Variants in RAC1 observed in about 807,000 individuals in gnomAD.
RAC1 encodes the protein ras-related C3 botulinum toxin substrate 1.
A neutral mutation model predicts 25.2 loss-of-function variants in RAC1; 2 were observed. The observed-to-expected ratio is 0.08, with a 90% CI of 0.03 to 0.25. RAC1 has a LOEUF of 0.25. Ranked by LOEUF, RAC1 falls within the 10% of genes least tolerant of loss-of-function variation. The probability of loss-of-function intolerance (pLI) is 1.00; values close to 1 mark genes in which losing one functional copy is unlikely to be tolerated. For missense variants in RAC1, 50 were observed against 235.7 expected, an observed-to-expected ratio of 0.21 and a Z score of 5.16; for synonymous variants, 88 against 94.0, an observed-to-expected ratio of 0.94 and a Z score of 0.37.
intron 1 of RAC1, 142 bp from the exon 2 acceptor site, chr7:6,387,070 G>A: frequency 1.7e-6 from 1 of 572,068 alleles, no homozygotes; most frequent in Non-Finnish European, 3.0e-6. Flanking sequence ...GTGATAAAGG[G>A]TTATAGAAAA....
At chr7:6,379,192 C>G (rs1782692281) in intron 1 of RAC1, among the ~76,000 whole-genome samples, 1 of 151,414 alleles carries the variant, frequency 6.6e-6, no homozygotes, top group Non-Finnish European at 1.5e-5. Flanking sequence ...GCCTCCACCT[C>G]CTGGGTTCAA....
intron 2 of RAC1, among the ~76,000 whole-genome samples, chr7:6,387,950 A>G (rs1017559955): frequency 6.6e-6 from 1 of 152,128 alleles, no homozygotes; most frequent in African/African-American, 2.4e-5. Context: ...TGGGAACTGG[A>G]AAGGGAAAGA....
At chr7:6,384,322 T>TTGGAGG (rs1281490281) in intron 1 of RAC1, among the ~76,000 whole-genome samples, 5 of 152,162 alleles carry the variant, frequency 3.3e-5, no homozygotes, top group African/African-American at 1.2e-4. Context: ...CTTGACTGAG[T>TTGGAGG]CCCTGGCGTC....
intron 3 of RAC1, among the ~76,000 whole-genome samples, chr7:6,399,426 C>A (rs1027726854): frequency 1.3e-5 from 2 of 152,204 alleles, no homozygotes; most frequent in African/African-American, 4.8e-5. Flanking sequence ...TTTGGTTTGA[C>A]ACAAAATACA....
intron 1 of RAC1, among the ~76,000 whole-genome samples, 190 bp downstream of exon 1, chr7:6,374,960 G>T (rs1051772491): frequency 1.3e-5 from 2 of 151,702 alleles, no homozygotes; most frequent in African/African-American, 4.8e-5. Context: ...GGCGGCGCGT[G>T]CCTGGTTCCG....
At chr7:6,376,240 T>G (rs1020415994) in intron 1 of RAC1, among the ~76,000 whole-genome samples, 14 of 132,800 alleles carry the variant, frequency 1.1e-4, no homozygotes, top group Admixed American at 8.3e-4. Flanking sequence ...TGGAGTGCAG[T>G]GGCACGATTT....
rs35263388 is a variant in RAC1 at position 6,402,065 on chromosome 7, T to C, written c.448+38T>C. 351 of 1,594,428 alleles carry C rather than the reference T, an allele frequency of 2.2e-4. 2 individuals carry two copies. The East Asian group carries it at 7.4e-3, about 34-fold the overall frequency. ...GTGTTTTTCCTCCTCCTTGTACCTC[T>C]TTTATTGTAGTGACAGAGACTGGAG... is the stretch of plus-strand genomic sequence containing the variant. On this transcript the variant is annotated intron_variant, in intron 5 of 5. Coordinates refer to ENST00000348035, the MANE Select transcript of RAC1 (RefSeq NM_006908.5).
intron 3 of RAC1, chr7:6,398,824 T>C: frequency 9.5e-7 from 1 of 1,054,134 alleles, no homozygotes; most frequent in East Asian, 2.6e-5. Context: ...TTGAGTGTTT[T>C]ATATTTAATT....
chr7:6,391,873 A>G, intron 2 of RAC1, 51 bp from the exon 3 acceptor site: 2 of 1,612,798 alleles, frequency 1.2e-6, no homozygotes, highest in Non-Finnish European at 1.7e-6. Flanking sequence ...TGGCTGGGAC[A>G]GTGACTTAGC....
At chr7:6,382,065 C>T (rs1782781241) in intron 1 of RAC1, among the ~76,000 whole-genome samples, 1 of 152,144 alleles carries the variant, frequency 6.6e-6, no homozygotes, top group Non-Finnish European at 1.5e-5. Context: ...GCGATCTCAG[C>T]TCACTGCAAC....
intron 2 of RAC1, chr7:6,391,518 TC>T (rs1432823108): frequency 4.7e-6 from 1 of 212,814 alleles, no homozygotes. Context: ...AGAGGGTAGC[TC>T]TAGTGGCCAG....
At chr7:6,402,284 T>C (rs762767577) in intron 5 of RAC1, 32 bp from the exon 6 acceptor site, 1 of 1,574,962 alleles carries the variant, frequency 6.3e-7, no homozygotes, top group African/African-American at 1.4e-5. Flanking sequence ...TGGGGTCGAG[T>C]GTACATTGCC....
Position 6,403,839 on chromosome 7 carries a change from C to G in RAC1, c.*1393C>G. On this transcript the variant is annotated 3_prime_UTR_variant, in exon 6 of 6. Coordinates refer to ENST00000348035, the MANE Select transcript of RAC1 (RefSeq NM_006908.5). ...ACTGGCGAGAATACAGCGTGGGACC[C>G]TTCAGCCACTACAACAGAATTTTTT... 9.0e-6 allele frequency: 2 copies of G among 222,046 alleles called. No individual in the cohort carries two copies. The highest frequency in any genetic ancestry group is 1.8e-5 in the Non-Finnish European group (2 of 110,778). 13.8% of individuals were successfully genotyped at this position (222,046 alleles called of 1,614,324 possible).
intron 1 of RAC1, among the ~76,000 whole-genome samples, chr7:6,379,086 G>A (rs186354578): frequency 1.8e-4 from 27 of 151,898 alleles, no homozygotes; most frequent in South Asian, 1.2e-3. Flanking sequence ...GTGAGACTCC[G>A]TCTCAAAAAG....
intron 1 of RAC1, 114 bp from the exon 2 acceptor site, chr7:6,387,098 A>C: frequency 3.1e-6 from 2 of 640,808 alleles, no homozygotes; most frequent in Non-Finnish European, 5.4e-6. Flanking sequence ...TTTAATGCTA[A>C]GTATGTGATG....
At chr7:6,396,433 G>T (rs1397215868) in intron 3 of RAC1, among the ~76,000 whole-genome samples, 1 of 152,174 alleles carries the variant, frequency 6.6e-6, no homozygotes, top group East Asian at 1.9e-4. Flanking sequence ...GGACGAAGAA[G>T]GAACAAGGAA....
At chr7:6,380,385 T>A (rs1175567349) in intron 1 of RAC1, among the ~76,000 whole-genome samples, 1 of 152,070 alleles carries the variant, frequency 6.6e-6, no homozygotes, top group Admixed American at 6.6e-5. Context: ...ATAATGTGTG[T>A]GTGTGTGTGT....
At chr7:6,376,132 T>G (rs1479062859) in intron 1 of RAC1, among the ~76,000 whole-genome samples, 4 of 150,762 alleles carry the variant, frequency 2.7e-5, no homozygotes, top group South Asian at 4.2e-4. Flanking sequence ...GTCGGATTTG[T>G]CTTGGAAGTG....
chr7:6,374,783 C>A lies in RAC1; in HGVS notation c.35+13C>A. ...TGGTGGGAGACGGGTGAGTGCGCGG[C>A]CGGGGCCGGGCTGGAGGCCGCGGGA... On this transcript the variant is annotated intron_variant, in intron 1 of 5. Transcript: ENST00000348035. 1 of 1,131,276 alleles carries A rather than the reference C, an allele frequency of 8.8e-7. No homozygotes were observed. Among genetic ancestry groups the A allele is most frequent in the Admixed American group, 4.8e-5 (1 of 20,786 alleles). The allele number at this position is 1,131,276 out of a possible 1,614,324, so 70.1% of individuals were successfully genotyped here. A position where few individuals can be genotyped will look rare whatever the true frequency, so the allele number is the denominator to read the frequency against.
Sources: gnomAD v4.1 joint callset for allele counts (sites outside exome capture counted in the v4.1 genomes callset) on GRCh38, gnomAD v4.1.1 for gene constraint, MANE v1.5 for transcripts, NCBI Gene and HGNC (gene_info 2026-07-23, HGNC 2026-07-21) for gene names.